Variants in NEGR1 observed in about 807,000 individuals in gnomAD.
NEGR1 encodes the protein neuronal growth regulator 1, also known as IgLON family member 4.
In NEGR1, 10 loss-of-function variants were observed where a neutral mutation model predicts 40.9. That is an observed-to-expected ratio of 0.24 (90% CI 0.15 to 0.42). The LOEUF (loss-of-function observed/expected upper bound fraction) is 0.42. Ranked by LOEUF, NEGR1 falls within the 10% of genes least tolerant of loss-of-function variation. The pLI is 1.00. For missense variants in NEGR1, 352 were observed against 438.9 expected (o/e 0.80, Z 1.77); for synonymous variants, 185 against 166.8 (o/e 1.11, Z -0.84).
chr1:71,706,263 C>T (rs1023939485), intron 3 of NEGR1, among the ~76,000 whole-genome samples: 6 of 152,112 alleles, frequency 3.9e-5, no homozygotes, highest in Non-Finnish European at 8.8e-5. Context: ...TCAGCTGATG[C>T]CCATCCGCAG....
chr1:71,663,944 A>G (rs1476746745), intron 4 of NEGR1, among the ~76,000 whole-genome samples: 1 of 152,206 alleles, frequency 6.6e-6, no homozygotes, highest in East Asian at 1.9e-4. Context: ...TACAAGCAAT[A>G]TACTGACTGG....
rs1570299614 is a variant in NEGR1 at position 71,753,458 on chromosome 1, T to C, written c.535+22714A>G. 2.0e-5 allele frequency among the ~76,000 whole-genome samples: 3 copies of C among 152,144 alleles called. No individual in the cohort carries two copies. In the South Asian group the frequency reaches 6.2e-4, roughly 32 times the overall value. ...AATCCTTAAAAGTGGCAGCAGTCAG[T>C]GGTGTAATATATCTCAGGAGTCTTT... is the stretch of plus-strand genomic sequence containing the variant. On this transcript the variant is annotated intron_variant, in intron 3 of 6. Coordinates refer to ENST00000357731, the MANE Select transcript of NEGR1 (RefSeq NM_173808.3).
At chr1:72,150,699 C>G (rs972196353) in intron 1 of NEGR1, among the ~76,000 whole-genome samples, 6 of 152,060 alleles carry the variant, frequency 3.9e-5, no homozygotes, top group African/African-American at 1.4e-4. Flanking sequence ...AGAAAGCTGT[C>G]AACAGTGAAG....
At chr1:71,790,210 TA>T (rs1327462495) in intron 2 of NEGR1, among the ~76,000 whole-genome samples, 1 of 152,128 alleles carries the variant, frequency 6.6e-6, no homozygotes, top group African/African-American at 2.4e-5. Context: ...GACAGAGACC[TA>T]ACTGGTCATG....
intron 1 of NEGR1, among the ~76,000 whole-genome samples, chr1:72,265,862 T>A (rs1390586796): frequency 1.3e-5 from 2 of 150,902 alleles, no homozygotes; most frequent in African/African-American, 4.8e-5. Context: ...TCCTACTAGA[T>A]AGGACTTAAT....
intron 6 of NEGR1, among the ~76,000 whole-genome samples, chr1:71,556,696 C>T (rs184790828): frequency 1.1e-4 from 17 of 151,438 alleles, no homozygotes; most frequent in African/African-American, 3.1e-4. Context: ...CTCACTCACA[C>T]TGCCACACTC....
At chr1:71,782,012 A>T (rs1203511290) in intron 2 of NEGR1, among the ~76,000 whole-genome samples, 5 of 152,158 alleles carry the variant, frequency 3.3e-5, no homozygotes, top group African/African-American at 1.2e-4. Flanking sequence ...ATCTTAAAAA[A>T]TTGTATCACT....
rs535352733 is a variant in NEGR1 at position 71,476,902 on chromosome 1, C to A, written c.941-69332G>T. 2.0e-5 allele frequency: 3 copies of A among 152,166 alleles called. No individual in the cohort carries two copies. The East Asian group carries it at 5.8e-4, about 30-fold the overall frequency. The allele number at this position is 152,166 out of a possible 1,614,324, so 9.4% of individuals were successfully genotyped here. ...CCAGGAGTACAACAGATTTCAATTTCTGTGAGTCCTTCTAGCAAATTGCCA... is the reference window on the plus strand; with the variant it reads ...CCAGGAGTACAACAGATTTCAATTTATGTGAGTCCTTCTAGCAAATTGCCA... On this transcript the variant is annotated intron_variant, in intron 6 of 6. Coordinates refer to ENST00000357731, the MANE Select transcript of NEGR1 (RefSeq NM_173808.3).
intron 2 of NEGR1, among the ~76,000 whole-genome samples, chr1:71,863,947 G>A (rs1349975456): frequency 6.6e-6 from 1 of 151,908 alleles, no homozygotes; most frequent in East Asian, 1.9e-4. Context: ...TTTTAAGTTG[G>A]TATTTTTTCA....
At chr1:71,592,696 G>A in intron 6 of NEGR1, 121 bp downstream of exon 6, 1 of 701,492 alleles carries the variant, frequency 1.4e-6, no homozygotes, top group South Asian at 2.4e-5. Flanking sequence ...TGATGTATAA[G>A]GAATGTGTCA....
intron 2 of NEGR1, among the ~76,000 whole-genome samples, chr1:71,796,750 A>G (rs1399011499): frequency 2.0e-5 from 3 of 152,168 alleles, no homozygotes; most frequent in Non-Finnish European, 4.4e-5. Flanking sequence ...ATCTCTTTAG[A>G]GAGCCAGGGG....
intron 6 of NEGR1, among the ~76,000 whole-genome samples, chr1:71,539,561 A>G (rs192040013): frequency 1.3e-5 from 2 of 151,780 alleles, no homozygotes; most frequent in East Asian, 3.9e-4. Context: ...TGTGTATATG[A>G]TGGAGTAAAG....
intron 6 of NEGR1, among the ~76,000 whole-genome samples, chr1:71,551,609 T>G (rs947917434): frequency 6.6e-6 from 1 of 151,638 alleles, no homozygotes; most frequent in Admixed American, 6.6e-5. Context: ...GAAAATAATA[T>G]ATTTGTTAGT....
intron 2 of NEGR1, among the ~76,000 whole-genome samples, chr1:71,846,206 C>A (rs908212778): frequency 6.6e-6 from 1 of 151,882 alleles, no homozygotes; most frequent in African/African-American, 2.4e-5. Context: ...AAGCAAGTTT[C>A]CCCCCCAACC....
chr1:71,610,753 A>T (rs1650224683), intron 5 of NEGR1, among the ~76,000 whole-genome samples: 1 of 152,056 alleles, frequency 6.6e-6, no homozygotes, highest in African/African-American at 2.4e-5. Context: ...GTTGCCAGCA[A>T]CTCAGTTTCA....
At chr1:72,277,032 G>A (rs549873066) in intron 1 of NEGR1, among the ~76,000 whole-genome samples, 4 of 152,082 alleles carry the variant, frequency 2.6e-5, no homozygotes, top group Admixed American at 2.0e-4. Flanking sequence ...AACAAAAAAG[G>A]TTCCAGTGGG....
At chr1:71,535,586 C>T (rs566442805) in intron 6 of NEGR1, among the ~76,000 whole-genome samples, 2 of 151,636 alleles carry the variant, frequency 1.3e-5, no homozygotes, top group Non-Finnish European at 1.5e-5. Flanking sequence ...GAATTCCTGG[C>T]GAGGTAATTT....
intron 4 of NEGR1, among the ~76,000 whole-genome samples, chr1:71,678,414 C>A (rs1304299851): frequency 1.3e-5 from 2 of 152,058 alleles, no homozygotes; most frequent in African/African-American, 4.8e-5. Context: ...TATTCTATAA[C>A]AAAACAAGTA....
intron 1 of NEGR1, among the ~76,000 whole-genome samples, chr1:72,216,402 C>CACATAT (rs1557582816): frequency 1.1e-4 from 13 of 119,542 alleles, no homozygotes; most frequent in African/African-American, 4.1e-4. Context: ...TATATATATA[C>CACATAT]ATATATATAT....
Sources: allele counts gnomAD v4.1 joint callset (sites outside exome capture counted in the v4.1 genomes callset), GRCh38; gene constraint gnomAD v4.1.1; transcripts MANE v1.5; gene names NCBI Gene and HGNC (gene_info 2026-07-23, HGNC 2026-07-21).